Variants in ENOPH1 observed in about 807,000 individuals in gnomAD.
ENOPH1 encodes enolase-phosphatase E1.
In ENOPH1, 14 loss-of-function variants were observed where a neutral mutation model predicts 31.1. The ratio of observed to expected loss-of-function variants is 0.45; its 90% confidence interval spans 0.30 to 0.70. The LOEUF (loss-of-function observed/expected upper bound fraction) is 0.70, where lower values mean the gene tolerates loss of function less well. ENOPH1 is among the 30% of genes least tolerant of loss of function. The probability of loss-of-function intolerance (pLI) is 0.09; values close to 1 mark genes in which losing one functional copy is unlikely to be tolerated. For missense variants in ENOPH1, 243 were observed against 321.5 expected (o/e 0.76, Z 1.87); for synonymous variants, 127 against 123.2 (o/e 1.03, Z -0.21).
intron 5 of ENOPH1, among the ~76,000 whole-genome samples, chr4:82,459,492 C>T (rs1722584372): frequency 6.6e-6 from 1 of 152,120 alleles, no homozygotes; most frequent in South Asian, 2.1e-4. Context: ...AGAGTTTCAC[C>T]ATGTTGCCCA....
At chr4:82,447,291 T>C (rs1722220597) in intron 1 of ENOPH1, among the ~76,000 whole-genome samples, 1 of 152,194 alleles carries the variant, frequency 6.6e-6, no homozygotes. Flanking sequence ...CAGCTGCATA[T>C]CACTTTCTTA....
intron 1 of ENOPH1, among the ~76,000 whole-genome samples, chr4:82,436,530 A>T (rs1375980686): frequency 6.6e-6 from 1 of 151,984 alleles, no homozygotes; most frequent in South Asian, 2.1e-4. Context: ...TACTAAAAAT[A>T]AAAAAAGTTA....
In ENOPH1 at chr4:82,453,118, C is replaced by G. The variant is rs182533521; in HGVS notation, c.390-1604C>G. Among the ~76,000 whole-genome samples the G allele has an allele frequency of 4.6e-3, 690 of 151,304 alleles. 3 individuals are homozygous for G. Among genetic ancestry groups the G allele is most frequent in the African/African-American group, 0.016 (635 of 40,832 alleles). On this transcript the variant is annotated intron_variant, in intron 3 of 5. Transcript: ENST00000273920. ...GTGTTTCACCGTGTTAGCCAGGATG[C>G]TCTCGATCTCCTGACCTTGTGATCC...
rs1427029391 is a variant in ENOPH1 at position 82,456,901 on chromosome 4, T to C, written c.523-14T>C. Reference sequence around the variant, plus strand: ...GTATTTGTATTGCCAGTCTTTCCCCTTCTCTTTGTTCAGCTTGTTGATGGT... The same window carrying C: ...GTATTTGTATTGCCAGTCTTTCCCCCTCTCTTTGTTCAGCTTGTTGATGGT... On this transcript the variant is annotated splice_polypyrimidine_tract_variant and intron_variant, in intron 4 of 5. Transcript: ENST00000273920. 6.2e-6 allele frequency: 10 copies of C among 1,613,388 alleles called. No individual in the cohort carries two copies. Among genetic ancestry groups the C allele is most frequent in the Non-Finnish European group, 8.5e-6 (10 of 1,179,584 alleles).
At position 82,461,048 on chromosome 4, in the gene ENOPH1, T is replaced by C. The variant is rs1267964257; in HGVS notation, c.*928T>C. The C allele has an allele frequency of 2.0e-5, 3 of 152,232 alleles. No homozygotes were observed. Among genetic ancestry groups the C allele is most frequent in the African/African-American group, 7.2e-5 (3 of 41,458 alleles). 9.4% of individuals were successfully genotyped at this position (152,232 alleles called of 1,614,324 possible). Reference sequence around the variant, plus strand: ...GGTTTAATTCTAATACGATGTCATGTTAATTTCATGTTGTGATTAATAAAA... The same window carrying C: ...GGTTTAATTCTAATACGATGTCATGCTAATTTCATGTTGTGATTAATAAAA... On this transcript the variant is annotated 3_prime_UTR_variant, in exon 6 of 6. Coordinates refer to ENST00000273920, the MANE Select transcript of ENOPH1 (RefSeq NM_021204.5).
In ENOPH1 at chr4:82,460,034, G is replaced by A. The variant is rs755424719; in HGVS notation, c.700G>A (p.Gly234Ser). 6.2e-7 allele frequency: 1 copy of A among 1,614,142 alleles called. No individual in the cohort carries two copies. Among genetic ancestry groups the A allele is most frequent in the Admixed American group, 1.7e-5 (1 of 60,022 alleles). Reference protein sequence around the residue: ...DVHVAVVVRPGNAGLTDDEKT... With the variant: ...DVHVAVVVRPSNAGLTDDEKT... ...GCACGTAGCTGTGGTGGTGAGACCA[G>A]GCAACGCAGGATTAACAGATGATGA... The change falls in exon 6 of 6, where the codon GGC becomes AGC. Residue 234 changes from glycine (G) to serine (S), a missense_variant. Gly to Ser is a moderately conservative substitution (Grantham distance 56). Coordinates refer to ENST00000273920, the MANE Select transcript of ENOPH1 (RefSeq NM_021204.5).
chr4:82,439,204 G>A (rs1721981297), intron 1 of ENOPH1, among the ~76,000 whole-genome samples: 1 of 152,216 alleles, frequency 6.6e-6, no homozygotes, highest in Non-Finnish European at 1.5e-5. Flanking sequence ...GTATGTGCAT[G>A]AGGGGTTCAT....
chr4:82,459,115 G>T (rs1027098006), intron 5 of ENOPH1, among the ~76,000 whole-genome samples: 1 of 152,150 alleles, frequency 6.6e-6, no homozygotes, highest in Non-Finnish European at 1.5e-5. Flanking sequence ...TTTCTCACCA[G>T]TTTTGTTCTA....
chr4:82,456,845 T>C (rs1722502343), intron 4 of ENOPH1, 70 bp from the exon 5 acceptor site: 4 of 1,562,352 alleles, frequency 2.6e-6, no homozygotes, highest in Non-Finnish European at 3.5e-6. Flanking sequence ...TTGTCATGTA[T>C]TTCAGAGAAA....
chr4:82,460,042 A>G lies in ENOPH1; in HGVS notation c.708A>G (p.Ala236=), dbSNP rs200437096. 3.7e-6 allele frequency: 6 copies of G among 1,614,210 alleles called. No individual in the cohort carries two copies. In the East Asian group the frequency reaches 8.9e-5, roughly 24 times the overall value. The part of the protein sequence containing the change: ...HVAVVVRPGN[A]GLTDDEKTYY... ...CTGTGGTGGTGAGACCAGGCAACGC[A>G]GGATTAACAGATGATGAGAAGACTT... The change falls in exon 6 of 6, where the codon GCA becomes GCG. Residue 236 remains alanine (A), a synonymous_variant. Coordinates refer to ENST00000273920, the MANE Select transcript of ENOPH1 (RefSeq NM_021204.5).
At chr4:82,454,916 A>G in intron 4 of ENOPH1, 62 bp downstream of exon 4, 2 of 1,504,706 alleles carry the variant, frequency 1.3e-6, no homozygotes, top group Non-Finnish European at 9.0e-7. Flanking sequence ...ATGAATCTTA[A>G]TGGAAAACTA....
chr4:82,441,034 A>G (rs1243670576), intron 1 of ENOPH1, among the ~76,000 whole-genome samples: 1 of 152,200 alleles, frequency 6.6e-6, no homozygotes, highest in Non-Finnish European at 1.5e-5. Context: ...TTGAAGAGCA[A>G]TTCTAATACC....
At chr4:82,451,866 T>C (rs541330609) in intron 3 of ENOPH1, among the ~76,000 whole-genome samples, 1 of 151,926 alleles carries the variant, frequency 6.6e-6, no homozygotes, top group Non-Finnish European at 1.5e-5. Context: ...ACTGCAGCCT[T>C]GACCTCCCCT....
At chr4:82,454,408 T>C (rs1016812991) in intron 3 of ENOPH1, among the ~76,000 whole-genome samples, 1 of 152,224 alleles carries the variant, frequency 6.6e-6, no homozygotes, top group African/African-American at 2.4e-5. Flanking sequence ...GTTGTTTGCT[T>C]TTTTGAGTTC....
chr4:82,460,066 T>C lies in ENOPH1; in HGVS notation c.732T>C (p.Thr244=). 1 of 1,614,162 alleles carries C rather than the reference T, an allele frequency of 6.2e-7. No individual in the cohort carries two copies. Among genetic ancestry groups the C allele is most frequent in the East Asian group, 2.2e-5 (1 of 44,880 alleles). ...CAGGATTAACAGATGATGAGAAGAC[T>C]TACTACAGCCTCATCACATCCTTCA... ...GNAGLTDDEK[T]YYSLITSFSE... The change falls in exon 6 of 6, where the codon ACT becomes ACC. Residue 244 remains threonine (T), a synonymous_variant. Transcript: ENST00000273920.
At chr4:82,452,350 C>T (rs1375773402) in intron 3 of ENOPH1, among the ~76,000 whole-genome samples, 1 of 152,036 alleles carries the variant, frequency 6.6e-6, no homozygotes, top group African/African-American at 2.4e-5. Context: ...TGCTCTTTGC[C>T]CAGGCTGGAG....
chr4:82,447,962 C>A lies in ENOPH1; in HGVS notation c.127C>A (p.Leu43Met). 1.2e-6 allele frequency: 2 copies of A among 1,613,200 alleles called. No homozygotes were observed. Among genetic ancestry groups the A allele is most frequent in the South Asian group, 1.1e-5 (1 of 90,922 alleles). The stretch of plus-strand genomic sequence containing the variant: ...CATCGAAGAAAATGTTAAAGAGTAT[C>A]TGCAGACACATTGGGAAGAAGAGGA... ...PYIEENVKEY[L>M]QTHWEEEECQ... Residue 43 changes from leucine to methionine, a missense_variant, in exon 2 of 6, where the codon CTG becomes ATG. Leu to Met is a conservative substitution (Grantham distance 15). Coordinates refer to ENST00000273920, the MANE Select transcript of ENOPH1 (RefSeq NM_021204.5).
chr4:82,453,258 T>G (rs1320852490), intron 3 of ENOPH1, among the ~76,000 whole-genome samples: 1 of 152,210 alleles, frequency 6.6e-6, no homozygotes, highest in African/African-American at 2.4e-5. Flanking sequence ...GATCCAAGAT[T>G]GTTTCCAGCT....
At chr4:82,442,258 C>T (rs967272262) in intron 1 of ENOPH1, among the ~76,000 whole-genome samples, 5 of 152,130 alleles carry the variant, frequency 3.3e-5, no homozygotes, top group African/African-American at 1.2e-4. Flanking sequence ...GGTGGTGGCT[C>T]CTGTAATCCC....
Sources: allele counts gnomAD v4.1 joint callset (sites outside exome capture counted in the v4.1 genomes callset), GRCh38; gene constraint gnomAD v4.1.1; transcripts MANE v1.5; gene names NCBI Gene and HGNC (gene_info 2026-07-23, HGNC 2026-07-21).